The following GALNTL6 variants were observed in gnomAD, a reference collection of about 807,000 sequenced individuals.
GALNTL6 encodes polypeptide N-acetylgalactosaminyltransferase like 6, also known as polypeptide N-acetylgalactosaminyltransferase-like 6.
Under a neutral mutation model 73.7 loss-of-function variants are expected in GALNTL6, and 46 were observed. The ratio of observed to expected loss-of-function variants is 0.62; its 90% CI spans 0.49 to 0.80. The LOEUF (loss-of-function observed/expected upper bound fraction) is 0.80. GALNTL6 is among the 30% of genes least tolerant of loss of function. The probability of loss-of-function intolerance (pLI) is 0.00; values close to 1 mark genes in which losing one functional copy is unlikely to be tolerated. For synonymous variants in GALNTL6, 259 were observed against 263.7 expected, an observed-to-expected ratio of 0.98 and a Z score of 0.17; for missense variants, 604 against 755.0, an observed-to-expected ratio of 0.80 and a Z score of 2.34.
chr4:172,380,071 G>A, intron 5 of GALNTL6: 1 of 972,254 alleles, frequency 1.0e-6, no homozygotes. Flanking sequence ...TGCTCTAGCT[G>A]TTTATATGGC....
intron 10 of GALNTL6, among the ~76,000 whole-genome samples, chr4:173,004,005 A>G (rs913072051): frequency 2.2e-4 from 34 of 152,180 alleles, no homozygotes; most frequent in African/African-American, 8.2e-4. Context: ...AGTGCCTTTC[A>G]TTCAAAATCA....
intron 10 of GALNTL6, among the ~76,000 whole-genome samples, chr4:172,987,812 C>A (rs1332517723): frequency 1.3e-5 from 2 of 152,134 alleles, no homozygotes; most frequent in African/African-American, 4.8e-5. Context: ...GCCTGCTTCC[C>A]CTTCACCTTC....
At chr4:172,105,008 CAA>C (rs1391501298) in intron 2 of GALNTL6, among the ~76,000 whole-genome samples, 1 of 151,590 alleles carries the variant, frequency 6.6e-6, no homozygotes, top group Non-Finnish European at 1.5e-5. Flanking sequence ...TCAACAATTA[CAA>C]AAAGTCATAA....
chr4:172,333,093 G>A (rs1191729220), intron 4 of GALNTL6, among the ~76,000 whole-genome samples: 1 of 152,108 alleles, frequency 6.6e-6, no homozygotes, highest in African/African-American at 2.4e-5. Context: ...TTGGTCATTT[G>A]TAAGTCTTCA....
chr4:172,896,849 A>T (rs553080453), intron 8 of GALNTL6, among the ~76,000 whole-genome samples: 1 of 152,256 alleles, frequency 6.6e-6, no homozygotes, highest in South Asian at 2.1e-4. Context: ...TGATTGCCGC[A>T]GGAGAGCTGG....
At position 172,924,712 on chromosome 4, in the gene GALNTL6, G is replaced by C. The variant is rs908373110; in HGVS notation, c.1042-6449G>C. 2.0e-5 allele frequency among the ~76,000 whole-genome samples: 3 copies of C among 152,160 alleles called. No homozygotes were observed. In the South Asian group the frequency reaches 6.2e-4, roughly 32 times the overall value. On this transcript the variant is annotated intron_variant, in intron 8 of 12. Coordinates refer to ENST00000506823, the MANE Select transcript of GALNTL6 (RefSeq NM_001034845.3). ...GAATTAAAAATAGCTCTGGCCAGGG[G>C]AGTGGGAAGGTAGTGACTGAGAGAC...
At chr4:172,293,769 TAAACTG>T (rs1213977809) in intron 3 of GALNTL6, among the ~76,000 whole-genome samples, 50 of 151,636 alleles carry the variant, frequency 3.3e-4, no homozygotes, top group African/African-American at 1.1e-3. Context: ...TTGCATAAAT[TAAACTG>T]AAATAGATTA....
intron 5 of GALNTL6, among the ~76,000 whole-genome samples, chr4:172,417,259 C>T (rs1010772704): frequency 1.3e-5 from 2 of 151,882 alleles, no homozygotes; most frequent in African/African-American, 4.8e-5. Flanking sequence ...TTGTTTCTTT[C>T]AAAGACCCAC....
intron 2 of GALNTL6, among the ~76,000 whole-genome samples, chr4:171,882,668 G>A (rs1309226801): frequency 6.6e-6 from 1 of 152,184 alleles, no homozygotes; most frequent in Non-Finnish European, 1.5e-5. Context: ...CATCCAACAC[G>A]GGAGAATGAT....
intron 2 of GALNTL6, among the ~76,000 whole-genome samples, chr4:172,149,010 C>T (rs931538581): frequency 6.6e-6 from 1 of 152,134 alleles, no homozygotes; most frequent in African/African-American, 2.4e-5. Context: ...CAATAGTCAA[C>T]AGCTCATGTA....
At chr4:172,483,256 G>A (rs1413816588) in intron 5 of GALNTL6, among the ~76,000 whole-genome samples, 1 of 152,138 alleles carries the variant, frequency 6.6e-6, no homozygotes, top group East Asian at 1.9e-4. Context: ...GGGGATAAGG[G>A]AAGCTTTCAC....
At chr4:172,299,325 G>T (rs1469834449) in intron 3 of GALNTL6, among the ~76,000 whole-genome samples, 1 of 152,168 alleles carries the variant, frequency 6.6e-6, no homozygotes, top group Non-Finnish European at 1.5e-5. Context: ...CCAGCTCCTG[G>T]ATTCATTGAC....
At position 172,321,562 on chromosome 4, in the gene GALNTL6, A is replaced by G. The variant is rs551680356; in HGVS notation, c.386+9810A>G. Among the ~76,000 whole-genome samples, 17 of 152,316 alleles carry G rather than the reference A, an allele frequency of 1.1e-4. 1 individual carries two copies. The East Asian group carries it at 2.3e-3, about 21-fold the overall frequency. On this transcript the variant is annotated intron_variant, in intron 4 of 12. Coordinates refer to ENST00000506823, the MANE Select transcript of GALNTL6 (RefSeq NM_001034845.3). ...AAAGGAAACATAATGAAAGAAACAA[A>G]GAAAGGTATTAAGATAATGTTTCAT...
At chr4:172,632,333 C>A (rs1192194788) in intron 5 of GALNTL6, among the ~76,000 whole-genome samples, 1 of 152,138 alleles carries the variant, frequency 6.6e-6, no homozygotes, top group African/African-American at 2.4e-5. Context: ...TTGGAACGTC[C>A]TAGAGACTTT....
intron 7 of GALNTL6, among the ~76,000 whole-genome samples, chr4:172,824,623 A>C (rs73000116): frequency 0.018 from 2,678 of 152,160 alleles, 69 homozygotes; most frequent in African/African-American, 0.057. Flanking sequence ...GGAGTGAAAA[A>C]GAAACAAAAT....
chr4:172,831,159 A>AAAAAAAAC, intron 7 of GALNTL6, among the ~76,000 whole-genome samples: 1 of 6,630 alleles, frequency 1.5e-4, no homozygotes. Context: ...CTCCCTCTCA[A>AAAAAAAAC]AAAAAAAAAA....
intron 5 of GALNTL6, among the ~76,000 whole-genome samples, chr4:172,381,991 T>G (rs887613896): frequency 6.6e-6 from 1 of 152,206 alleles, no homozygotes; most frequent in Admixed American, 6.5e-5. Flanking sequence ...TTGTTTGAGA[T>G]GGAGTTTCGC....
chr4:171,886,714 T>C (rs1736618973), intron 2 of GALNTL6, among the ~76,000 whole-genome samples: 1 of 152,210 alleles, frequency 6.6e-6, no homozygotes, highest in South Asian at 2.1e-4. Flanking sequence ...AGGAAGTTTG[T>C]GATGGTTTAT....
At chr4:172,121,115 A>G (rs990197662) in intron 2 of GALNTL6, among the ~76,000 whole-genome samples, 1 of 152,166 alleles carries the variant, frequency 6.6e-6, no homozygotes. Context: ...GGAAGGTAAA[A>G]GAAGACAAAG....
Sources: gnomAD v4.1 joint callset for allele counts (sites outside exome capture counted in the v4.1 genomes callset) on GRCh38, gnomAD v4.1.1 for gene constraint, MANE v1.5 for transcripts, NCBI Gene and HGNC (gene_info 2026-07-23, HGNC 2026-07-21) for gene names.